The following TSPAN9 variants were observed in gnomAD, a reference collection of about 807,000 sequenced individuals.
TSPAN9 encodes tetraspanin-9.
A neutral mutation model predicts 31.0 loss-of-function variants in TSPAN9; 16 were observed. The observed-to-expected ratio is 0.52, with a 90% CI of 0.35 to 0.78. The LOEUF (loss-of-function observed/expected upper bound fraction) is 0.78, where lower values mean the gene tolerates loss of function less well. TSPAN9 is among the 30% of genes least tolerant of loss of function. The pLI, the probability that TSPAN9 is intolerant of heterozygous loss-of-function variation, is 0.01. For missense variants in TSPAN9, 272 were observed against 312.5 expected (o/e 0.87, Z 0.98); for synonymous variants, 145 against 121.6 (o/e 1.19, Z -1.27).
chr12:3,201,054 G>A (rs1037032790), intron 2 of TSPAN9, 123 bp from the exon 3 acceptor site: 1 of 885,062 alleles, frequency 1.1e-6, no homozygotes, highest in Non-Finnish European at 1.8e-6. Flanking sequence ...GCCTTCTACG[G>A]CACCGCGGGC....
chr12:3,130,789 T>G (rs1226387513), intron 2 of TSPAN9, among the ~76,000 whole-genome samples: 1 of 152,240 alleles, frequency 6.6e-6, no homozygotes, highest in African/African-American at 2.4e-5. Flanking sequence ...TACTTCTATT[T>G]TTACCGGCAA....
chr12:3,123,625 AT>A (rs34728784), intron 2 of TSPAN9, among the ~76,000 whole-genome samples: 46,343 of 91,092 alleles, frequency 0.51, 9,899 homozygotes, highest in African/African-American at 0.68. Flanking sequence ...ATTATTATGT[AT>A]TTTTTTTTTT....
intron 2 of TSPAN9, among the ~76,000 whole-genome samples, chr12:3,139,374 C>A (rs918480209): frequency 6.6e-6 from 1 of 152,270 alleles, no homozygotes. Context: ...CCCCCTCCTC[C>A]CCTCACCCTG....
intron 2 of TSPAN9, among the ~76,000 whole-genome samples, chr12:3,109,307 A>AGAGAGTGTGT (rs560687812): frequency 0.011 from 1,518 of 143,276 alleles, 27 homozygotes; most frequent in African/African-American, 0.04. Context: ...TGTGAGAGAG[A>AGAGAGTGTGT]GTGTGTGTGT....
chr12:3,207,170 TA>T (rs1450848642), intron 3 of TSPAN9, among the ~76,000 whole-genome samples: 5 of 152,050 alleles, frequency 3.3e-5, no homozygotes, highest in Non-Finnish European at 5.9e-5. Context: ...CCAGGGCTCC[TA>T]GGACAGGGTT....
intron 3 of TSPAN9, among the ~76,000 whole-genome samples, chr12:3,222,242 A>G (rs2098384975): frequency 6.6e-6 from 1 of 152,176 alleles, no homozygotes; most frequent in Non-Finnish European, 1.5e-5. Flanking sequence ...AGAGGGGGGC[A>G]TGTGGAGGGG....
intron 2 of TSPAN9, among the ~76,000 whole-genome samples, chr12:3,102,458 A>G (rs1394367696): frequency 7.6e-6 from 1 of 131,746 alleles, no homozygotes; most frequent in Non-Finnish European, 1.5e-5. Context: ...TTTTTTAGAC[A>G]GAGTCTTGCT....
At chr12:3,120,923 T>G (rs2098324768) in intron 2 of TSPAN9, among the ~76,000 whole-genome samples, 1 of 152,260 alleles carries the variant, frequency 6.6e-6, no homozygotes, top group African/African-American at 2.4e-5. Flanking sequence ...GATAAACTGC[T>G]TCTGTAAGTC....
intron 2 of TSPAN9, among the ~76,000 whole-genome samples, chr12:3,109,027 T>C (rs576528819): frequency 6.4e-4 from 97 of 151,886 alleles, no homozygotes; most frequent in South Asian, 3.8e-3. Context: ...GCTCCGCCTC[T>C]CGGGTTTACA....
intron 2 of TSPAN9, among the ~76,000 whole-genome samples, chr12:3,163,440 C>T (rs1471551820): frequency 1.3e-5 from 2 of 152,194 alleles, no homozygotes; most frequent in Non-Finnish European, 2.9e-5. Flanking sequence ...GGGCAGGGAC[C>T]ATGGCTTTCT....
intron 3 of TSPAN9, among the ~76,000 whole-genome samples, chr12:3,214,022 G>C (rs1450471304): frequency 6.6e-6 from 1 of 152,196 alleles, no homozygotes; most frequent in Non-Finnish European, 1.5e-5. Flanking sequence ...AGAGCAGGGA[G>C]TTGATCCCAG....
Position 3,285,275 on chromosome 12 carries a change from TG to T in TSPAN9, c.*2162del, listed in dbSNP as rs1862993498. 1.3e-4 allele frequency: 1 copy of T among 7,604 alleles called. No homozygotes were observed. Among genetic ancestry groups the T allele is most frequent in the Non-Finnish European group, 2.4e-4 (1 of 4,182 alleles). 0.5% of individuals were successfully genotyped at this position (7,604 alleles called of 1,614,324 possible). ...CGTGCGTTTTTTGCTGTGGGTGGGG[TG>T]GGTGGGTTGGTTTATGCCTATCAAT... On this transcript the variant is annotated 3_prime_UTR_variant, in exon 9 of 9. Transcript: ENST00000011898.
At chr12:3,186,440 A>G (rs745680730) in intron 2 of TSPAN9, among the ~76,000 whole-genome samples, 2 of 152,042 alleles carry the variant, frequency 1.3e-5, no homozygotes, top group Non-Finnish European at 2.9e-5. Flanking sequence ...GAGATCTAGG[A>G]GAAGAATGTT....
chr12:3,230,354 C>T (rs2153975984), intron 3 of TSPAN9, among the ~76,000 whole-genome samples: 1 of 152,254 alleles, frequency 6.6e-6, no homozygotes, highest in South Asian at 2.1e-4. Flanking sequence ...CTTCCTGAGG[C>T]ATAGTCTCAC....
intron 2 of TSPAN9, among the ~76,000 whole-genome samples, chr12:3,181,446 C>G (rs569283757): frequency 4.6e-5 from 7 of 152,100 alleles, no homozygotes. Flanking sequence ...CCACCTCATC[C>G]GCATCTCTCA....
chr12:3,174,803 C>G (rs28570216), intron 2 of TSPAN9, among the ~76,000 whole-genome samples: 5,480 of 150,018 alleles, frequency 0.037, 320 homozygotes, highest in African/African-American at 0.12. Flanking sequence ...AGGATGGTCT[C>G]GATCTCCTGA....
chr12:3,140,129 C>T (rs1005999865), intron 2 of TSPAN9, among the ~76,000 whole-genome samples: 1 of 131,672 alleles, frequency 7.6e-6, no homozygotes, highest in Non-Finnish European at 1.6e-5. Context: ...CAGATTACTA[C>T]CCAGAGTGTG....
intron 2 of TSPAN9, among the ~76,000 whole-genome samples, chr12:3,153,153 C>A (rs374381389): frequency 1.3e-5 from 2 of 152,296 alleles, no homozygotes; most frequent in South Asian, 2.1e-4. Flanking sequence ...TGTGCCTTAC[C>A]CCTGTGGCAG....
intron 2 of TSPAN9, among the ~76,000 whole-genome samples, chr12:3,186,545 T>TG (rs1565606533): frequency 0.01 from 379 of 37,544 alleles, no homozygotes; most frequent in East Asian, 0.044. Flanking sequence ...CAGGAGTTTG[T>TG]TTGTGTGTGT....
Sources: allele counts gnomAD v4.1 joint callset (sites outside exome capture counted in the v4.1 genomes callset), GRCh38; gene constraint gnomAD v4.1.1; transcripts MANE v1.5; gene names NCBI Gene and HGNC (gene_info 2026-07-23, HGNC 2026-07-21).